The following PIK3C3 variants were observed in gnomAD, a reference collection of about 807,000 sequenced individuals.
The protein encoded by PIK3C3 is phosphatidylinositol 3-kinase catalytic subunit type 3.
In PIK3C3, 95 loss-of-function variants were observed where a neutral mutation model predicts 126.1. That is an observed-to-expected ratio of 0.75 (90% confidence interval 0.64 to 0.89). The LOEUF (loss-of-function observed/expected upper bound fraction) is 0.89. Among genes scored for constraint, PIK3C3 ranks in the 40% least tolerant of loss-of-function variants. The pLI, the probability that PIK3C3 is intolerant of heterozygous loss-of-function variation, is 0.00. For missense variants in PIK3C3, 829 were observed against 1,063.2 expected, an observed-to-expected ratio of 0.78 and a Z score of 3.06; for synonymous variants, 374 against 360.0, an observed-to-expected ratio of 1.04 and a Z score of -0.44.
intron 6 of PIK3C3, 189 bp downstream of exon 6, chr18:41,990,743 C>T: frequency 2.0e-6 from 1 of 508,242 alleles, no homozygotes; most frequent in Non-Finnish European, 3.5e-6. Flanking sequence ...GCCTATCACT[C>T]ATGTAATGCA....
intron 12 of PIK3C3, among the ~76,000 whole-genome samples, chr18:42,017,630 T>TA (rs1400267456): frequency 1.3e-5 from 2 of 152,140 alleles, no homozygotes; most frequent in African/African-American, 4.8e-5. Flanking sequence ...TTCAATTAAG[T>TA]AAATAAATTG....
intron 16 of PIK3C3, among the ~76,000 whole-genome samples, chr18:42,035,466 T>A (rs902962857): frequency 2.0e-5 from 3 of 152,202 alleles, no homozygotes; most frequent in African/African-American, 4.8e-5. Context: ...TACTCAATTA[T>A]AAAAAATTAT....
rs114612616 is a variant in PIK3C3 at position 42,085,996 on chromosome 18, T to C, written c.*4859T>C. On this transcript the variant is annotated 3_prime_UTR_variant, in exon 25 of 25. Coordinates refer to ENST00000262039, the MANE Select transcript of PIK3C3 (RefSeq NM_002647.4). ...ATTAGCTGAGTGTGGTGGTTCACAC[T>C]TGTAATCACAGCTACCTGGGAGGCT... The C allele has an allele frequency of 6.5e-3, 985 of 152,264 alleles. 5 individuals carry two copies. Among genetic ancestry groups the C allele is most frequent in the African/African-American group, 0.022 (928 of 41,498 alleles). 9.4% of individuals were successfully genotyped at this position (152,264 alleles called of 1,614,324 possible). A position where few individuals can be genotyped will look rare whatever the true frequency, so the allele number is the denominator to read the frequency against.
chr18:42,057,897 A>G lies in PIK3C3; in HGVS notation c.2278A>G (p.Ile760Val). Residue 760 changes from isoleucine to valine, a missense_variant, in exon 22 of 25, where the codon ATA (isoleucine) becomes GTA (valine). Physicochemically the swap from Ile to Val is conservative, Grantham distance 29 (BLOSUM62 3). Around this residue, in one of 4 missense-constraint regions of PIK3C3, gnomAD observed 196 missense variants for 312.8 expected, o/e 0.63. Transcript: ENST00000262039. Reference sequence around the variant, plus strand: ...TCAACATCCAGGCAAACTCTTCCACATAGACTTTGGATATATTTTGGGTCG... The same window carrying G: ...TCAACATCCAGGCAAACTCTTCCACGTAGACTTTGGATATATTTTGGGTCG... ...LLTKTGKLFH[I>V]DFGYILGRDP... 3 of 1,613,672 alleles carry G rather than the reference A, an allele frequency of 1.9e-6. No homozygotes were observed. The highest frequency in any genetic ancestry group is 2.5e-6 in the Non-Finnish European group (3 of 1,179,782).
intron 7 of PIK3C3, among the ~76,000 whole-genome samples, chr18:41,995,361 T>A (rs1351408616): frequency 6.6e-6 from 1 of 152,182 alleles, no homozygotes; most frequent in African/African-American, 2.4e-5. Flanking sequence ...TATAAATTTA[T>A]ATCTTGTTTT....
chr18:41,966,180 T>C lies in PIK3C3; in HGVS notation c.401+3548T>C, dbSNP rs1333128175. Among the ~76,000 whole-genome samples, 9 of 104,760 alleles carry C rather than the reference T, an allele frequency of 8.6e-5. 1 individual carries two copies. Among genetic ancestry groups the C allele is most frequent in the African/African-American group, 3.8e-4 (9 of 23,946 alleles). The allele number at this position is 104,760 out of a possible 152,430, so 68.7% of individuals were successfully genotyped here. ...CTCTTTGCTAAGTATATTGTTCCTT[T>C]TTTTTTTTTTTTTTTTTTTTGAGAT... On this transcript the variant is annotated intron_variant, in intron 3 of 24. Transcript: ENST00000262039.
chr18:42,015,274 A>G (rs1204125087), intron 11 of PIK3C3, among the ~76,000 whole-genome samples: 1 of 152,142 alleles, frequency 6.6e-6, no homozygotes, highest in Non-Finnish European at 1.5e-5. Flanking sequence ...TTGCACATAA[A>G]TCTCCCAAGA....
chr18:42,084,827 C>T lies in PIK3C3; in HGVS notation c.*3690C>T, dbSNP rs1335794517. The stretch of plus-strand genomic sequence containing the variant: ...CCCACTCCTGAGCAGCCAAATCAAT[C>T]TGCAGGTGGGCCTTGTGAGTTTTCC... On this transcript the variant is annotated 3_prime_UTR_variant, in exon 25 of 25. Coordinates refer to ENST00000262039, the MANE Select transcript of PIK3C3 (RefSeq NM_002647.4). The T allele has an allele frequency of 6.6e-6, 1 of 152,228 alleles. No homozygotes were observed. Among genetic ancestry groups the T allele is most frequent in the Non-Finnish European group, 1.5e-5 (1 of 68,074 alleles). 9.4% of individuals were successfully genotyped at this position (152,228 alleles called of 1,614,324 possible). A position where few individuals can be genotyped will look rare whatever the true frequency, so the allele number is the denominator to read the frequency against.
chr18:42,038,902 T>C, intron 18 of PIK3C3, 52 bp downstream of exon 18: 1 of 1,203,918 alleles, frequency 8.3e-7, no homozygotes, highest in Non-Finnish European at 1.2e-6. Context: ...TTGTGTGTAC[T>C]TTTTCAAATT....
intron 10 of PIK3C3, among the ~76,000 whole-genome samples, chr18:42,012,372 A>G (rs1451464596): frequency 6.6e-6 from 1 of 152,190 alleles, no homozygotes; most frequent in Non-Finnish European, 1.5e-5. Flanking sequence ...GGACCATCAA[A>G]TATTTACAGG....
chr18:41,976,546 A>G (rs183535829), intron 4 of PIK3C3, among the ~76,000 whole-genome samples: 44 of 152,322 alleles, frequency 2.9e-4, no homozygotes, highest in African/African-American at 9.6e-4. Flanking sequence ...GGCTTTAGAG[A>G]CCATTTTTTA....
intron 4 of PIK3C3, among the ~76,000 whole-genome samples, chr18:41,972,219 A>G (rs750320620): frequency 1.1e-4 from 16 of 151,932 alleles, no homozygotes; most frequent in Admixed American, 2.0e-4. Context: ...GCTTGTTCAT[A>G]TTTGTCTTTT....
In PIK3C3 at chr18:41,966,296, A is replaced by C. The variant is rs1036123993; in HGVS notation, c.401+3664A>C. 3.4e-5 allele frequency among the ~76,000 whole-genome samples: 5 copies of C among 147,264 alleles called. No homozygotes were observed. The Admixed American group carries it at 3.5e-4, about 10-fold the overall frequency. On this transcript the variant is annotated intron_variant, in intron 3 of 24. Coordinates refer to ENST00000262039, the MANE Select transcript of PIK3C3 (RefSeq NM_002647.4). ...GCGATTCTCCTGCCTCAGCCTCCTG[A>C]GTAGCCGGGATTACAGGCCCATGCC...
chr18:42,041,300 G>C (rs1984307081), intron 19 of PIK3C3, among the ~76,000 whole-genome samples: 1 of 151,954 alleles, frequency 6.6e-6, no homozygotes, highest in South Asian at 2.1e-4. Flanking sequence ...TAATTTATTT[G>C]ATATTAATTG....
At chr18:42,005,320 G>C (rs1312619853) in intron 10 of PIK3C3, among the ~76,000 whole-genome samples, 2 of 152,148 alleles carry the variant, frequency 1.3e-5, no homozygotes, top group Non-Finnish European at 2.9e-5. Context: ...AAGTATTTGT[G>C]TATCTAAACA....
At chr18:41,959,837 C>T (rs1212314164) in intron 2 of PIK3C3, among the ~76,000 whole-genome samples, 1 of 152,046 alleles carries the variant, frequency 6.6e-6, no homozygotes, top group Non-Finnish European at 1.5e-5. Context: ...AAAACATTTG[C>T]ACATTTTATA....
In PIK3C3 at chr18:42,081,189, G is replaced by A; in HGVS notation, c.*52G>A. 1 of 1,354,190 alleles carries A rather than the reference G, an allele frequency of 7.4e-7. No individual in the cohort carries two copies. Among genetic ancestry groups the A allele is most frequent in the South Asian group, 1.3e-5 (1 of 79,924 alleles). 83.9% of individuals were successfully genotyped at this position (1,354,190 alleles called of 1,614,324 possible). A position where few individuals can be genotyped will look rare whatever the true frequency, so the allele number is the denominator to read the frequency against. On this transcript the variant is annotated 3_prime_UTR_variant, in exon 25 of 25. Coordinates refer to ENST00000262039, the MANE Select transcript of PIK3C3 (RefSeq NM_002647.4). ...TGGCTCAATAAGAAAACCACGTTAGGAGCAACCTTTGTATATTGGAGACTT... is the reference window on the plus strand; with the variant it reads ...TGGCTCAATAAGAAAACCACGTTAGAAGCAACCTTTGTATATTGGAGACTT...
chr18:42,028,232 AAAAG>A (rs1296707709), intron 14 of PIK3C3, among the ~76,000 whole-genome samples: 1 of 152,194 alleles, frequency 6.6e-6, no homozygotes, highest in Non-Finnish European at 1.5e-5. Context: ...GGAATTAAAA[AAAAG>A]CTTTGCTTTT....
At chr18:42,015,397 A>G (rs1731662252) in intron 11 of PIK3C3, 79 bp from the exon 12 acceptor site, 2 of 1,014,028 alleles carry the variant, frequency 2.0e-6, no homozygotes, top group African/African-American at 1.6e-5. Flanking sequence ...ATTGAAGTGA[A>G]CTGTTCCATA....
Sources: allele counts gnomAD v4.1 joint callset (sites outside exome capture counted in the v4.1 genomes callset), GRCh38; gene constraint gnomAD v4.1.1; regional missense constraint gnomAD v4.1.1; transcripts MANE v1.5; gene names NCBI Gene and HGNC (gene_info 2026-07-23, HGNC 2026-07-21).